The following HUWE1 variants were observed in gnomAD, a reference collection of about 807,000 sequenced individuals.
HUWE1 encodes the protein E3 ubiquitin-protein ligase HUWE1.
A neutral mutation model predicts 299.4 loss-of-function variants in HUWE1; 18 were observed. That is an observed-to-expected ratio of 0.06 (90% CI 0.04 to 0.09). HUWE1 has a LOEUF of 0.09. HUWE1 is among the 10% of genes least tolerant of loss of function. The pLI, the probability that HUWE1 is intolerant of heterozygous loss-of-function variation, is 1.00. For missense variants in HUWE1, 1,832 were observed against 3,462.3 expected, an observed-to-expected ratio of 0.53 and a Z score of 11.82; for synonymous variants, 1,317 against 1,286.1, an observed-to-expected ratio of 1.02 and a Z score of -0.51.
chrX:53,541,696 T>C (rs2061352325), intron 74 of HUWE1, among the ~76,000 whole-genome samples: 2 of 111,113 alleles, frequency 1.8e-5, no homozygotes. Context: ...GAGACTCCAT[T>C]TCTACAAAGA....
intron 53 of HUWE1, 57 bp from the exon 54 acceptor site, chrX:53,562,301 T>C (rs2062331091): frequency 8.5e-7 from 1 of 1,182,189 alleles, no homozygotes. Context: ...AACAGGCTAC[T>C]GTGCAGGCCA....
intron 25 of HUWE1, among the ~76,000 whole-genome samples, chrX:53,606,111 C>G (rs1020800049): frequency 1.8e-5 from 2 of 111,679 alleles, no homozygotes; most frequent in Admixed American, 9.5e-5. Flanking sequence ...AAAAGAGAAG[C>G]TGAACTTTAT....
At chrX:53,563,579 G>A (rs2062392482) in intron 52 of HUWE1, among the ~76,000 whole-genome samples, 167 bp downstream of exon 52, 1 of 111,523 alleles carries the variant, frequency 9.0e-6, no homozygotes, top group African/African-American at 3.3e-5. Flanking sequence ...GCCTGTAGAC[G>A]TCTTGTGAAT....
At position 53,642,536 on chromosome X, in the gene HUWE1, C is replaced by A. The variant is rs7883859; in HGVS notation, c.504+2775G>T. 6.4e-3 allele frequency among the ~76,000 whole-genome samples: 714 copies of A among 111,817 alleles called. 4 individuals carry two copies. The highest frequency in any genetic ancestry group is 0.022 in the African/African-American group (679 of 30,741). Reference sequence around the variant, plus strand: ...CACAAATGATGATGCAATACTCTGACAGAGATCACGTTTATGGAAATGATG... The same window carrying A: ...CACAAATGATGATGCAATACTCTGAAAGAGATCACGTTTATGGAAATGATG... On this transcript the variant is annotated intron_variant, in intron 7 of 83. Coordinates refer to ENST00000262854, the MANE Select transcript of HUWE1 (RefSeq NM_031407.7).
At chrX:53,561,998 G>C (rs1454635099) in intron 54 of HUWE1, 74 bp from the exon 55 acceptor site, 43 of 1,209,058 alleles carry the variant, frequency 3.6e-5, no homozygotes, top group Admixed American at 4.4e-5. Flanking sequence ...GGCCACATGT[G>C]CACATGAGGG....
In HUWE1 at chrX:53,552,768, T is replaced by C. The variant is rs1556930496; in HGVS notation, c.8620A>G (p.Thr2874Ala). The C allele has an allele frequency of 1.7e-6, 2 of 1,211,772 alleles. No homozygotes were observed. Among genetic ancestry groups the C allele is most frequent in the South Asian group, 1.8e-5 (1 of 56,992 alleles). ...TGCTCAGAACTGCCAGCTGCTGAAG[T>C]GTCACCCACAGCCTCCTCTAAGGTA... ...SCTLEEAVGD[T>A]SAAGSSEQPR... Residue 2874 changes from threonine (T) to alanine (A), a missense_variant, in exon 62 of 84, where the codon ACT (threonine) becomes GCT (alanine). Thr to Ala is a moderately conservative substitution (Grantham distance 58). Transcript: ENST00000262854.
chrX:53,541,584 A>G lies in HUWE1; in HGVS notation c.11476+859T>C, dbSNP rs2061346615. ...ACTCCACCCTGGGAGACAGAGCTAGACTCTGTGTCAAAAAACAAAAAAGAA... is the reference window on the plus strand; with the variant it reads ...ACTCCACCCTGGGAGACAGAGCTAGGCTCTGTGTCAAAAAACAAAAAAGAA... On this transcript the variant is annotated intron_variant, in intron 74 of 83. Transcript: ENST00000262854. Among the ~76,000 whole-genome samples, 3 of 111,323 alleles carry G rather than the reference A, an allele frequency of 2.7e-5. No homozygotes were observed. The South Asian group carries it at 1.1e-3, about 42-fold the overall frequency.
intron 19 of HUWE1, 45 bp downstream of exon 19, chrX:53,624,550 C>A: frequency 1.2e-6 from 1 of 850,831 alleles, no homozygotes. Context: ...GAGAGCTCTG[C>A]CAGGTTATCC....
intron 25 of HUWE1, 42 bp from the exon 26 acceptor site, chrX:53,604,876 C>T: frequency 8.8e-7 from 1 of 1,137,423 alleles, no homozygotes. Flanking sequence ...ATACAATGAA[C>T]TTCAAATTCA....
chrX:53,599,854 A>G (rs782490442), intron 29 of HUWE1, among the ~76,000 whole-genome samples: 5 of 112,061 alleles, frequency 4.5e-5, no homozygotes, highest in African/African-American at 1.6e-4. Context: ...ACAATATGCA[A>G]TAGTTGAAGA....
chrX:53,546,878 G>A, intron 68 of HUWE1, 53 bp from the exon 69 acceptor site: 2 of 1,173,741 alleles, frequency 1.7e-6, no homozygotes, highest in Non-Finnish European at 2.3e-6. Context: ...CACAAGCCAG[G>A]GACTAAGTGA....
chrX:53,564,398 T>C (rs2062433347), intron 51 of HUWE1, among the ~76,000 whole-genome samples, 176 bp downstream of exon 51: 1 of 110,769 alleles, frequency 9.0e-6, no homozygotes, highest in Admixed American at 9.6e-5. Context: ...CCCCCACCCC[T>C]CTTTTAATAC....
At chrX:53,661,095 C>T (rs893185963) in intron 3 of HUWE1, among the ~76,000 whole-genome samples, 2 of 102,063 alleles carry the variant, frequency 2.0e-5, no homozygotes, top group African/African-American at 7.3e-5. Flanking sequence ...AGTGCAGTGG[C>T]GCAATCTCGG....
intron 49 of HUWE1, among the ~76,000 whole-genome samples, chrX:53,566,157 A>ATATG (rs2062552324): frequency 1.0e-5 from 1 of 96,317 alleles, no homozygotes. Context: ...ATATATATAT[A>ATATG]TATATATGCT....
At chrX:53,556,505 C>G (rs2054001888) in intron 60 of HUWE1, among the ~76,000 whole-genome samples, 1 of 111,950 alleles carries the variant, frequency 8.9e-6, no homozygotes, top group Admixed American at 9.5e-5. Context: ...CGAAAGGAGA[C>G]AGGTGTAGGG....
chrX:53,550,825 G>GT, intron 65 of HUWE1, 57 bp from the exon 66 acceptor site: 2 of 1,191,579 alleles, frequency 1.7e-6, no homozygotes, highest in Admixed American at 4.4e-5. Flanking sequence ...CTGGATATAG[G>GT]TAATACAAAG....
chrX:53,617,441 C>T lies in HUWE1; in HGVS notation c.1678G>A (p.Glu560Lys). The T allele has an allele frequency of 8.8e-7, 1 of 1,141,401 alleles. No homozygotes were observed. Among genetic ancestry groups the T allele is most frequent in the Non-Finnish European group, 1.2e-6 (1 of 837,134 alleles). 94.1% of individuals were successfully genotyped at this position (1,141,401 alleles called of 1,213,427 possible). The change falls in exon 20 of 84, where the codon GAA becomes AAA. Residue 560 changes from glutamate to lysine, a missense_variant. Coordinates refer to ENST00000262854, the MANE Select transcript of HUWE1 (RefSeq NM_031407.7). ...TGAAATACAAACACAGTCACCACTT[C>T]AGTAGCTAAAAAAAGATGAGAAAAT... is the stretch of plus-strand genomic sequence containing the variant. The part of the protein sequence containing the change: ...YGPSLFLLAT[E>K]VVTVFVFQEP...
intron 59 of HUWE1, among the ~76,000 whole-genome samples, chrX:53,558,180 T>C (rs2062116263): frequency 8.9e-6 from 1 of 111,960 alleles, no homozygotes; most frequent in African/African-American, 3.3e-5. Context: ...ATGTGAGCCC[T>C]AGAAAAAATG....
At chrX:53,538,007 G>A (rs917480508) in intron 77 of HUWE1, among the ~76,000 whole-genome samples, 1 of 111,738 alleles carries the variant, frequency 8.9e-6, no homozygotes, top group Non-Finnish European at 1.9e-5. Flanking sequence ...GGAGTGTTGT[G>A]GAAGCCCCTG....
Sources: allele counts gnomAD v4.1 joint callset (sites outside exome capture counted in the v4.1 genomes callset), GRCh38; gene constraint gnomAD v4.1.1; transcripts MANE v1.5; gene names NCBI Gene and HGNC (gene_info 2026-07-23, HGNC 2026-07-21).